The following RNF20 variants were observed in gnomAD, a reference collection of about 807,000 sequenced individuals.
RNF20 encodes ring finger protein 20, also known as E3 ubiquitin-protein ligase BRE1A.
A neutral mutation model predicts 126.2 loss-of-function variants in RNF20; 84 were observed. The observed-to-expected ratio is 0.67, with a 90% CI of 0.56 to 0.80. The LOEUF is 0.80. Among genes scored for constraint, RNF20 ranks in the 30% least tolerant of loss-of-function variants. RNF20 has a pLI of 0.00. For missense variants in RNF20, 869 were observed against 1,188.2 expected (o/e 0.73, Z 3.95); for synonymous variants, 400 against 414.3 (o/e 0.97, Z 0.42).
chr9:101,552,106 C>T (rs373987505), intron 11 of RNF20, 35 bp from the exon 12 acceptor site: 69 of 1,613,862 alleles, frequency 4.3e-5, no homozygotes, highest in Admixed American at 2.0e-4. Context: ...GCCCTTACCA[C>T]GGTTCCTCAT....
At chr9:101,555,417 C>A (rs987136614) in intron 15 of RNF20, among the ~76,000 whole-genome samples, 4 of 151,726 alleles carry the variant, frequency 2.6e-5, no homozygotes, top group African/African-American at 9.7e-5. Flanking sequence ...AGATTGTTCT[C>A]CTCCTTATAA....
intron 16 of RNF20, among the ~76,000 whole-genome samples, chr9:101,560,249 C>T (rs1169419435): frequency 1.3e-5 from 2 of 152,086 alleles, no homozygotes; most frequent in African/African-American, 2.4e-5. Flanking sequence ...GTGTGAGACC[C>T]ACTTGATCAT....
Position 101,554,037 on chromosome 9 carries a change from C to T in RNF20, c.1951C>T (p.Arg651Cys). The T allele has an allele frequency of 1.9e-6, 3 of 1,613,616 alleles. No individual in the cohort carries two copies. Among genetic ancestry groups the T allele is most frequent in the Non-Finnish European group, 2.5e-6 (3 of 1,179,678 alleles). ...GATGAAACTATTGCTGGATATGTACCGTTCTGCCCCAAAGGAACAGAGAGA... is the reference window on the plus strand; with the variant it reads ...GATGAAACTATTGCTGGATATGTACTGTTCTGCCCCAAAGGAACAGAGAGA... ...KEMKLLLDMYRSAPKEQRDKV... is the reference protein window; with the variant it reads ...KEMKLLLDMYCSAPKEQRDKV... Residue 651 changes from arginine (R) to cysteine (C), a missense_variant, in exon 14 of 20, where the codon CGT (arginine) becomes TGT (cysteine). Coordinates refer to ENST00000389120, the MANE Select transcript of RNF20 (RefSeq NM_019592.7).
At chr9:101,558,589 T>C (rs1266381613) in intron 16 of RNF20, among the ~76,000 whole-genome samples, 1 of 152,172 alleles carries the variant, frequency 6.6e-6, no homozygotes, top group East Asian at 1.9e-4. Context: ...ATTTTTTGAT[T>C]ATGGCCATTC....
At position 101,552,494 on chromosome 9, in the gene RNF20, T is replaced by G. The variant is rs1342992176; in HGVS notation, c.1642T>G (p.Ser548Ala). The G allele has an allele frequency of 4.3e-6, 7 of 1,613,932 alleles. No individual in the cohort carries two copies. The highest frequency in any genetic ancestry group is 5.9e-6 in the Non-Finnish European group (7 of 1,179,982). Residue 548 changes from serine to alanine, a missense_variant, in exon 13 of 20, where the codon TCA becomes GCA. Ser to Ala is a moderately conservative substitution (Grantham distance 99). Transcript: ENST00000389120. ...TTCTGAGGACTTATCCTCCCAGTCC[T>G]CAGCTTCAAAGGCATCTCAGGAGGA... ...PDSEDLSSQSSASKASQEDAN... is the reference protein window; with the variant it reads ...PDSEDLSSQSAASKASQEDAN...
rs1156959226 is a variant in RNF20 at position 101,544,886 on chromosome 9, G to A, written c.747+1G>A. 1.3e-6 allele frequency: 2 copies of A among 1,584,014 alleles called. No homozygotes were observed. The highest frequency in any genetic ancestry group is 1.7e-6 in the Non-Finnish European group (2 of 1,152,732). ...AAAGCATCGCACCATGTCTCAGGAG[G>A]TACTTAACCAAAAAGGAGAGATGGC... is the stretch of plus-strand genomic sequence containing the variant. On this transcript the variant is annotated splice_donor_variant, in intron 6 of 19. Transcript: ENST00000389120. LOFTEE classifies it high-confidence loss of function.
chr9:101,561,301 A>G, intron 18 of RNF20, 71 bp downstream of exon 18: 1 of 1,454,124 alleles, frequency 6.9e-7, no homozygotes. Flanking sequence ...ATATCATGAA[A>G]GAATCATTAG....
rs1007960108 is a variant in RNF20 at position 101,562,927 on chromosome 9, C to G, written c.*505C>G. ...CAAAATGGTATAATTGTGCTACTCT[C>G]CCCTGGGTGGTTTGCAGCCCTAATG... is the stretch of plus-strand genomic sequence containing the variant. On this transcript the variant is annotated 3_prime_UTR_variant, in exon 20 of 20. Coordinates refer to ENST00000389120, the MANE Select transcript of RNF20 (RefSeq NM_019592.7). 1.3e-5 allele frequency: 2 copies of G among 152,524 alleles called. No homozygotes were observed. The allele number at this position is 152,524 out of a possible 1,614,324, so 9.4% of individuals were successfully genotyped here. A position where few individuals can be genotyped will look rare whatever the true frequency, so the allele number is the denominator to read the frequency against.
At chr9:101,542,095 G>T (rs569708994) in intron 5 of RNF20, among the ~76,000 whole-genome samples, 1 of 152,292 alleles carries the variant, frequency 6.6e-6, no homozygotes, top group South Asian at 2.1e-4. Flanking sequence ...TGTAATGGAG[G>T]TTGAACCATT....
intron 18 of RNF20, 135 bp downstream of exon 18, chr9:101,561,365 G>A: frequency 1.1e-6 from 1 of 930,288 alleles, no homozygotes; most frequent in Non-Finnish European, 1.6e-6. Context: ...AGGGAAGAGA[G>A]TAAGTCTGTT....
rs766606846 is a variant in RNF20 at position 101,541,660 on chromosome 9, ATAT to A, written c.628+690_628+692del. On this transcript the variant is annotated intron_variant, in intron 5 of 19. Transcript: ENST00000389120. Reference sequence around the variant, plus strand: ...TAATACTTTATTTTAAATAACAACTATATTATTTAATTATTAGTTACAGAATTT... The same window carrying A: ...TAATACTTTATTTTAAATAACAACTATATTTAATTATTAGTTACAGAATTT... Among the ~76,000 whole-genome samples the A allele has an allele frequency of 6.9e-4, 105 of 152,312 alleles. 1 individual carries two copies. Among genetic ancestry groups the A allele is most frequent in the Admixed American group, 5.9e-4 (9 of 15,298 alleles).
At chr9:101,551,152 G>A (rs960380760) in intron 10 of RNF20, among the ~76,000 whole-genome samples, 4 of 152,178 alleles carry the variant, frequency 2.6e-5, no homozygotes, top group Non-Finnish European at 5.9e-5. Context: ...GTTGAAAGTA[G>A]GAGAAGAAGA....
Position 101,540,942 on chromosome 9 carries a change from G to T in RNF20, c.595G>T (p.Val199Leu), listed in dbSNP as rs1250049994. 1.2e-6 allele frequency: 2 copies of T among 1,613,988 alleles called. No individual in the cohort carries two copies. The highest frequency in any genetic ancestry group is 2.7e-5 in the African/African-American group (2 of 74,912). ...TGTTTATGATAAATTGCAAGAAAAAGTGGAGCTCTTATCCCGGAAGCTAAA... is the reference window on the plus strand; with the variant it reads ...TGTTTATGATAAATTGCAAGAAAAATTGGAGCTCTTATCCCGGAAGCTAAA... Reference protein sequence around the residue: ...VTVYDKLQEKVELLSRKLNSG... With the variant: ...VTVYDKLQEKLELLSRKLNSG... The change falls in exon 5 of 20, where the codon GTG (valine) becomes TTG (leucine). Residue 199 changes from valine to leucine, a missense_variant. This residue lies in a region of RNF20 where 103 missense variants were observed against 94.3 expected (regional missense o/e 1.09). Transcript: ENST00000389120.
At position 101,544,435 on chromosome 9, in the gene RNF20, G is replaced by A. The variant is rs527716433; in HGVS notation, c.629-332G>A. Among the ~76,000 whole-genome samples the A allele has an allele frequency of 6.0e-4, 91 of 152,326 alleles. No individual in the cohort carries two copies. The Middle Eastern group carries it at 0.01, about 17-fold the overall frequency. On this transcript the variant is annotated intron_variant, in intron 5 of 19. Transcript: ENST00000389120. ...AATTTGACACTATAGGCCAGGCACG[G>A]TGGCTCACACCTGTAATCCCAGCAC...
chr9:101,538,593 A>T (rs763912047), intron 2 of RNF20, among the ~76,000 whole-genome samples: 52 of 152,162 alleles, frequency 3.4e-4, no homozygotes, highest in Non-Finnish European at 3.2e-4. Context: ...GCCTGCAGGG[A>T]AACAGTTTCT....
intron 19 of RNF20, 42 bp downstream of exon 19, chr9:101,562,053 T>G: frequency 6.9e-7 from 1 of 1,439,942 alleles, no homozygotes; most frequent in South Asian, 1.2e-5. Flanking sequence ...TGTCAAAGCT[T>G]TAAGTGGCCT....
In RNF20 at chr9:101,552,548, G is replaced by A. The variant is rs1425409015; in HGVS notation, c.1696G>A (p.Glu566Lys). The part of the protein sequence containing the change: ...DANEIKSKRD[E>K]EERERERREK... ...CAATGAAATCAAGTCTAAACGGGAT[G>A]AAGAAGAACGAGAACGAGAAAGGAG... is the stretch of plus-strand genomic sequence containing the variant. Residue 566 changes from glutamate (E) to lysine (K), a missense_variant, in exon 13 of 20, where the codon GAA becomes AAA. Transcript: ENST00000389120. 2 of 1,613,432 alleles carry A rather than the reference G, an allele frequency of 1.2e-6. No individual in the cohort carries two copies. Among genetic ancestry groups the A allele is most frequent in the African/African-American group, 1.3e-5 (1 of 74,874 alleles).
In RNF20 at chr9:101,562,293, TCTTA is replaced by T. The variant is rs1166264201; in HGVS notation, c.2802_2805del (p.Thr935SerfsTer11). On this transcript the variant is annotated frameshift_variant, in exon 20 of 20. Coordinates refer to ENST00000389120, the MANE Select transcript of RNF20 (RefSeq NM_019592.7). LOFTEE classifies it high-confidence loss of function. ...GTAACATGCGTAAAAAGGATGCTGT[TCTTA>T]CTAAGTGTTTTCATGTCTTCTGCTT... 1.2e-6 allele frequency: 2 copies of T among 1,613,986 alleles called. No individual in the cohort carries two copies. The highest frequency in any genetic ancestry group is 1.7e-6 in the Non-Finnish European group (2 of 1,179,980).
chr9:101,559,603 G>A lies in RNF20; in HGVS notation c.2383-1198G>A, dbSNP rs573226318. ...AGTGTTTTGTAATTTTTCTTGTCGA[G>A]GTCTTTCACGTTCTTGGTTAAGTAT... On this transcript the variant is annotated intron_variant, in intron 16 of 19. Transcript: ENST00000389120. Among the ~76,000 whole-genome samples, 5 of 152,144 alleles carry A rather than the reference G, an allele frequency of 3.3e-5. No homozygotes were observed. In the South Asian group the frequency reaches 1.0e-3, roughly 32 times the overall value.
Sources: allele counts gnomAD v4.1 joint callset (sites outside exome capture counted in the v4.1 genomes callset), GRCh38; gene constraint gnomAD v4.1.1; regional missense constraint gnomAD v4.1.1; transcripts MANE v1.5; gene names NCBI Gene and HGNC (gene_info 2026-07-23, HGNC 2026-07-21).